RBFOX3: variants seen among roughly 807,000 people sequenced by gnomAD.
RBFOX3 encodes the protein RNA binding fox-1 homolog 3.
RBFOX3 carries 17 observed loss-of-function variants against 48.7 expected under a neutral mutation model. The observed-to-expected ratio is 0.35, with a 90% confidence interval of 0.24 to 0.52. RBFOX3 has a LOEUF of 0.52. RBFOX3 is among the 20% of genes least tolerant of loss of function. The pLI is 0.94. For synonymous variants in RBFOX3, 212 were observed against 209.5 expected, an observed-to-expected ratio of 1.01 and a Z score of -0.10; for missense variants, 382 against 497.5, an observed-to-expected ratio of 0.77 and a Z score of 2.21.
At chr17:79,093,533 G>A (rs1370546652) in intron 14 of RBFOX3, among the ~76,000 whole-genome samples, 1 of 142,844 alleles carries the variant, frequency 7.0e-6, no homozygotes, top group African/African-American at 2.7e-5. Flanking sequence ...GGGTGTCTGA[G>A]GCTCGTTAAA....
intron 3 of RBFOX3, among the ~76,000 whole-genome samples, chr17:79,236,413 C>G (rs943465332): frequency 2.0e-5 from 3 of 152,058 alleles, no homozygotes; most frequent in African/African-American, 7.2e-5. Flanking sequence ...CTCAGCCGCC[C>G]TAGTAGCTGG....
intron 1 of RBFOX3, among the ~76,000 whole-genome samples, chr17:79,516,772 A>T (rs1460801695): frequency 6.6e-6 from 1 of 152,214 alleles, no homozygotes. Flanking sequence ...GGACAGACGG[A>T]TGGACGCGAT....
At chr17:79,441,271 C>G (rs1010355199) in intron 2 of RBFOX3, among the ~76,000 whole-genome samples, 1 of 152,218 alleles carries the variant, frequency 6.6e-6, no homozygotes, top group East Asian at 1.9e-4. Flanking sequence ...TCCTTCCTCC[C>G]GGAGCCTCGG....
intron 1 of RBFOX3, chr17:79,601,953 A>G (rs1329922103): frequency 6.6e-6 from 1 of 152,232 alleles, no homozygotes; most frequent in Non-Finnish European, 1.5e-5. Flanking sequence ...ACACAAGCAG[A>G]CGTATTTTCC....
chr17:79,445,596 G>C (rs1218216086), intron 2 of RBFOX3, among the ~76,000 whole-genome samples: 1 of 152,120 alleles, frequency 6.6e-6, no homozygotes, highest in Non-Finnish European at 1.5e-5. Context: ...TCCCTTCCTT[G>C]CTGTGCCGAG....
chr17:79,100,063 C>A lies in RBFOX3; in HGVS notation c.568+1521G>T, dbSNP rs947745363. On this transcript the variant is annotated intron_variant, in intron 9 of 14. Transcript: ENST00000693108. The stretch of plus-strand genomic sequence containing the variant: ...TTGCTGCAAAGGTGGGCAAAGGTTC[C>A]CACCTCCCTCCATTCCCTGATGTTT... 14 of 152,390 alleles carry A rather than the reference C, an allele frequency of 9.2e-5. 1 individual carries two copies. In the East Asian group the frequency reaches 2.7e-3, roughly 29 times the overall value. 9.4% of individuals were successfully genotyped at this position (152,390 alleles called of 1,614,324 possible).
chr17:79,182,993 C>T (rs2052465865), intron 4 of RBFOX3, among the ~76,000 whole-genome samples: 1 of 150,998 alleles, frequency 6.6e-6, no homozygotes, highest in African/African-American at 2.4e-5. Flanking sequence ...CGCCCGCCGC[C>T]CCCTCCCGCG....
intron 2 of RBFOX3, among the ~76,000 whole-genome samples, chr17:79,342,546 G>A (rs1312192207): frequency 1.3e-5 from 2 of 152,206 alleles, no homozygotes; most frequent in African/African-American, 4.8e-5. Flanking sequence ...AGCCTGCAAT[G>A]AATCCCCTCC....
rs1159057981 is a variant in RBFOX3 at position 79,479,680 on chromosome 17, G to T, written c.-175+2774C>A. Among the ~76,000 whole-genome samples the T allele has an allele frequency of 1.3e-5, 2 of 152,206 alleles. No individual in the cohort carries two copies. Among genetic ancestry groups the T allele is most frequent in the Non-Finnish European group, 2.9e-5 (2 of 68,030 alleles). The stretch of plus-strand genomic sequence containing the variant: ...GCTCCCTCGGGGGTGGGCTGGTCTT[G>T]TACTTTCACTGTTGATGACCCCGAG... On this transcript the variant is annotated intron_variant, in intron 2 of 14. Transcript: ENST00000693108. The surrounding 1 kb of genome is among the most constrained non-coding windows in gnomAD (Gnocchi z 5.1).
At chr17:79,565,035 G>C (rs1178983579) in intron 1 of RBFOX3, among the ~76,000 whole-genome samples, 1 of 82,746 alleles carries the variant, frequency 1.2e-5, no homozygotes, top group African/African-American at 4.7e-5. Flanking sequence ...GCGAGACTCT[G>C]TCTCAAAAAA....
chr17:79,111,722 C>G lies in RBFOX3; in HGVS notation c.222+3772G>C, dbSNP rs914256926. Among the ~76,000 whole-genome samples the G allele has an allele frequency of 1.3e-5, 2 of 152,252 alleles. No individual in the cohort carries two copies. The highest frequency in any genetic ancestry group is 3.2e-3 in the Middle Eastern group (1 of 316). ...TGCTGGGGTGACAGGCGTGAGCCAA[C>G]ATGCCCGGCCCGTTAGCAAGCTGAG... On this transcript the variant is annotated intron_variant, in intron 5 of 14. Transcript: ENST00000693108. The surrounding 1 kb of genome is among the most constrained non-coding windows in gnomAD (Gnocchi z 4.2).
intron 2 of RBFOX3, among the ~76,000 whole-genome samples, chr17:79,358,620 C>T (rs2085689151): frequency 6.6e-6 from 1 of 152,078 alleles, no homozygotes; most frequent in African/African-American, 2.4e-5. Context: ...ACCATCACGC[C>T]TGGCTAATTT....
chr17:79,547,283 C>G (rs1555792200), intron 1 of RBFOX3, among the ~76,000 whole-genome samples: 4 of 152,116 alleles, frequency 2.6e-5, no homozygotes, highest in Admixed American at 2.6e-4. Context: ...TCCGTCTCTA[C>G]TAAAACTACA....
chr17:79,458,187 C>T lies in RBFOX3; in HGVS notation c.-175+24267G>A, dbSNP rs557853228. 1.3e-3 allele frequency among the ~76,000 whole-genome samples: 192 copies of T among 152,358 alleles called. 3 individuals carry two copies. Among genetic ancestry groups the T allele is most frequent in the Non-Finnish European group, 3.4e-4 (23 of 68,040 alleles). Reference sequence around the variant, plus strand: ...CAGGCACGCAGTGTCTCGAAGCAGTCGGCGCACACGGTTACCCTTAATGGG... The same window carrying T: ...CAGGCACGCAGTGTCTCGAAGCAGTTGGCGCACACGGTTACCCTTAATGGG... On this transcript the variant is annotated intron_variant, in intron 2 of 14. Coordinates refer to ENST00000693108, the MANE Select transcript of RBFOX3 (RefSeq NM_001350451.2).
At position 79,097,325 on chromosome 17, in the gene RBFOX3, G is replaced by A. The variant is rs531642780; in HGVS notation, c.722C>T (p.Ala241Val). 3 of 1,545,062 alleles carry A rather than the reference G, an allele frequency of 1.9e-6. No homozygotes were observed. The highest frequency in any genetic ancestry group is 4.9e-5 in the East Asian group (2 of 40,574). Residue 241 changes from alanine (A) to valine (V), a missense_variant, in exon 11 of 15, where the codon GCG becomes GTG. Physicochemically the swap from Ala to Val is moderately conservative, Grantham distance 64 (BLOSUM62 0). Around this residue, in one of 3 missense-constraint regions of RBFOX3, gnomAD observed 215 missense variants for 254.8 expected, o/e 0.84. Transcript: ENST00000693108. Reference protein sequence around the residue: ...GRAVYNTFRAAPPPPPIPTYG... With the variant: ...GRAVYNTFRAVPPPPPIPTYG... ...AGTCGGGATGGGGGGTGGGGGTGGCGCAGCCCGAAATGTATTATACACGGC... is the reference window on the plus strand; with the variant it reads ...AGTCGGGATGGGGGGTGGGGGTGGCACAGCCCGAAATGTATTATACACGGC...
intron 2 of RBFOX3, among the ~76,000 whole-genome samples, chr17:79,358,346 C>T (rs1466002985): frequency 2.0e-5 from 3 of 152,206 alleles, no homozygotes; most frequent in Non-Finnish European, 2.9e-5. Flanking sequence ...GGCGAGGATG[C>T]TCACGCCGTG....
Position 79,157,207 on chromosome 17 carries a change from C to T in RBFOX3, c.-33-41459G>A, listed in dbSNP as rs539889241. On this transcript the variant is annotated intron_variant, in intron 4 of 14. Coordinates refer to ENST00000693108, the MANE Select transcript of RBFOX3 (RefSeq NM_001350451.2). ...TGCTCTTACTCCCCGTCTCCCACCC[C>T]AGGGGCCCCCACTCTGTCCTCACGC... 5.9e-5 allele frequency among the ~76,000 whole-genome samples: 9 copies of T among 152,320 alleles called. No homozygotes were observed. In the South Asian group the frequency reaches 1.9e-3, roughly 32 times the overall value.
intron 2 of RBFOX3, among the ~76,000 whole-genome samples, chr17:79,360,708 G>A (rs1371800863): frequency 1.3e-5 from 2 of 151,884 alleles, no homozygotes; most frequent in Middle Eastern, 3.2e-3. Context: ...TAGGGTTATC[G>A]GTGTCAGCAA....
intron 4 of RBFOX3, among the ~76,000 whole-genome samples, chr17:79,162,221 T>C (rs1291994972): frequency 2.0e-5 from 3 of 152,248 alleles, no homozygotes; most frequent in Admixed American, 6.5e-5. Flanking sequence ...TTAATTACAA[T>C]GGCCCACAGA....
Sources: allele counts gnomAD v4.1 joint callset (sites outside exome capture counted in the v4.1 genomes callset), GRCh38; gene constraint gnomAD v4.1.1; regional missense constraint gnomAD v4.1.1; non-coding constraint Gnocchi (gnomAD v3.1); transcripts MANE v1.5; gene names NCBI Gene and HGNC (gene_info 2026-07-23, HGNC 2026-07-21).